Variants in MYCBP2 observed in about 807,000 individuals in gnomAD.
The protein encoded by MYCBP2 is E3 ubiquitin-protein ligase MYCBP2.
MYCBP2 carries 120 observed loss-of-function variants against 525.3 expected under a neutral mutation model. That is an observed-to-expected ratio of 0.23 (90% CI 0.20 to 0.27). The LOEUF is 0.27. MYCBP2 is among the 10% of genes least tolerant of loss of function. The pLI is 1.00. For missense variants in MYCBP2, 4,149 were observed against 5,657.1 expected, an observed-to-expected ratio of 0.73 and a Z score of 8.55; for synonymous variants, 1,894 against 1,955.8, an observed-to-expected ratio of 0.97 and a Z score of 0.83.
chr13:77,265,443 A>G (rs963672679), intron 8 of MYCBP2, among the ~76,000 whole-genome samples: 11 of 152,168 alleles, frequency 7.2e-5, no homozygotes, highest in African/African-American at 2.7e-4. Context: ...AGAAAATGAC[A>G]TAAAGATACA....
Position 77,166,502 on chromosome 13 carries a change from C to T in MYCBP2, c.6167G>A (p.Cys2056Tyr), listed in dbSNP as rs1048238796. 1.2e-6 allele frequency: 2 copies of T among 1,613,740 alleles called. No homozygotes were observed. Among genetic ancestry groups the T allele is most frequent in the Non-Finnish European group, 8.5e-7 (1 of 1,179,802 alleles). Reference sequence around the variant, plus strand: ...GACATCTTCTGACTGTGCAGTACCACACTGAGGGTCAAATTCGATTGTCAT... The same window carrying T: ...GACATCTTCTGACTGTGCAGTACCATACTGAGGGTCAAATTCGATTGTCAT... ...RWMTIEFDPQCGTAQSEDVLR... is the reference protein window; with the variant it reads ...RWMTIEFDPQYGTAQSEDVLR... The change falls in exon 41 of 83, where the codon TGT becomes TAT. Residue 2056 changes from cysteine (C) to tyrosine (Y), a missense_variant. By Grantham distance (194) the Cys-to-Tyr change is radical. Around this residue, in one of 21 missense-constraint regions of MYCBP2, gnomAD observed 692 missense variants for 852.7 expected, o/e 0.81. Transcript: ENST00000544440.
chr13:77,161,008 TGA>T (rs2057852420), intron 44 of MYCBP2, among the ~76,000 whole-genome samples: 1 of 152,208 alleles, frequency 6.6e-6, no homozygotes, highest in Non-Finnish European at 1.5e-5. Flanking sequence ...CTGATCCAGT[TGA>T]GAGACTCTCA....
At chr13:77,123,576 C>A (rs537351852) in intron 54 of MYCBP2, among the ~76,000 whole-genome samples, 3 of 152,180 alleles carry the variant, frequency 2.0e-5, no homozygotes, top group Admixed American at 2.0e-4. Context: ...GTGGTTATGA[C>A]CTATAAGGTC....
chr13:77,072,300 GAAA>G (rs56238720), intron 68 of MYCBP2, among the ~76,000 whole-genome samples: 3,616 of 121,230 alleles, frequency 0.03, 60 homozygotes, highest in Non-Finnish European at 0.04. Flanking sequence ...CAAAAAAAAA[GAAA>G]AAAAAAAAAA....
At chr13:77,181,286 A>G (rs867905007) in intron 33 of MYCBP2, among the ~76,000 whole-genome samples, 38 of 152,160 alleles carry the variant, frequency 2.5e-4, no homozygotes, top group African/African-American at 8.2e-4. Context: ...TTATTTTAAT[A>G]TACCAAAGTG....
intron 1 of MYCBP2, among the ~76,000 whole-genome samples, chr13:77,313,406 C>A (rs183309722): frequency 2.3e-4 from 35 of 151,914 alleles, no homozygotes; most frequent in Admixed American, 1.9e-3. Context: ...ATTAAGAAAG[C>A]CAAAAGTTGG....
At chr13:77,048,884 C>A (rs1211418389) in intron 82 of MYCBP2, among the ~76,000 whole-genome samples, 1 of 152,098 alleles carries the variant, frequency 6.6e-6, no homozygotes, top group Non-Finnish European at 1.5e-5. Flanking sequence ...TGTTAACTTC[C>A]TTATTTTTAG....
At chr13:77,137,962 A>G (rs542736525) in intron 52 of MYCBP2, among the ~76,000 whole-genome samples, 31 of 152,290 alleles carry the variant, frequency 2.0e-4, no homozygotes, top group African/African-American at 7.2e-4. Context: ...AAACTGTACA[A>G]AAGTGGTTGC....
intron 44 of MYCBP2, among the ~76,000 whole-genome samples, chr13:77,158,553 C>T (rs923810039): frequency 5.9e-5 from 9 of 152,190 alleles, no homozygotes; most frequent in African/African-American, 1.7e-4. Flanking sequence ...AGCGATCCTT[C>T]TGCCTCAGCC....
rs567306497 is a variant in MYCBP2, at chr13:77,061,052, G to C, written c.13036+117C>G. The stretch of plus-strand genomic sequence containing the variant: ...ATATTTAGTAAATATATAGATCAAT[G>C]ATGTCATAATTAAACATCAGAATAT... On this transcript the variant is annotated intron_variant, in intron 76 of 82. Transcript: ENST00000544440. 6 of 1,110,860 alleles carry C rather than the reference G, an allele frequency of 5.4e-6. No individual in the cohort carries two copies. In the Admixed American group the frequency reaches 1.7e-4, roughly 32 times the overall value. 68.8% of individuals were successfully genotyped at this position (1,110,860 alleles called of 1,614,324 possible).
chr13:77,105,743 T>G (rs1020700056), intron 55 of MYCBP2, among the ~76,000 whole-genome samples: 3 of 152,254 alleles, frequency 2.0e-5, no homozygotes, highest in South Asian at 2.1e-4. Context: ...GATTCTTTTT[T>G]GGGTATCACT....
At chr13:77,090,399 T>C (rs1265733870) in intron 59 of MYCBP2, 136 bp from the exon 60 acceptor site, 39 of 581,108 alleles carry the variant, frequency 6.7e-5, no homozygotes, top group Non-Finnish European at 7.7e-5. Flanking sequence ...ATAATCTCTC[T>C]TTAAATCATA....
intron 72 of MYCBP2, among the ~76,000 whole-genome samples, chr13:77,065,511 G>A (rs548524028): frequency 1.3e-5 from 2 of 152,226 alleles, no homozygotes; most frequent in Admixed American, 1.3e-4. Context: ...ACTAATCAGA[G>A]CCAGGCATTC....
intron 28 of MYCBP2, 116 bp downstream of exon 28, chr13:77,191,563 T>C: frequency 8.2e-7 from 1 of 1,220,344 alleles, no homozygotes; most frequent in Non-Finnish European, 1.1e-6. Context: ...AGCAGTTATA[T>C]TATGCTCTAG....
At chr13:77,052,574 A>C (rs990972286) in intron 80 of MYCBP2, among the ~76,000 whole-genome samples, 1 of 152,228 alleles carries the variant, frequency 6.6e-6, no homozygotes, top group African/African-American at 2.4e-5. Context: ...AAAAAAGTAT[A>C]ATATTCCAAG....
chr13:77,241,091 A>C lies in MYCBP2; in HGVS notation c.2629+1968T>G, dbSNP rs557049822. On this transcript the variant is annotated intron_variant, in intron 17 of 82. Coordinates refer to ENST00000544440, the MANE Select transcript of MYCBP2 (RefSeq NM_015057.5). ...TCAGATACAACAACATAATTTCTTT[A>C]AATATTTAGCTAGTGGAGGATTTTT... is the stretch of plus-strand genomic sequence containing the variant. Among the ~76,000 whole-genome samples, 6 of 152,270 alleles carry C rather than the reference A, an allele frequency of 3.9e-5. No homozygotes were observed. In the East Asian group the frequency reaches 1.2e-3, roughly 29 times the overall value.
intron 5 of MYCBP2, among the ~76,000 whole-genome samples, 200 bp from the exon 6 acceptor site, chr13:77,270,738 G>A (rs2074759499): frequency 6.6e-6 from 1 of 151,976 alleles, no homozygotes; most frequent in South Asian, 2.1e-4. Context: ...TTACTCTTGG[G>A]ATTCCATGTC....
chr13:77,184,388 T>G (rs1349419337), intron 32 of MYCBP2, among the ~76,000 whole-genome samples: 1 of 152,216 alleles, frequency 6.6e-6, no homozygotes, highest in Non-Finnish European at 1.5e-5. Flanking sequence ...ATTAAGACAT[T>G]TTATGGTCTA....
chr13:77,153,784 A>C (rs374548954), intron 46 of MYCBP2, among the ~76,000 whole-genome samples: 1 of 152,170 alleles, frequency 6.6e-6, no homozygotes, highest in East Asian at 1.9e-4. Context: ...AGTTTCAAAA[A>C]TAGATGAAAT....
Sources: gnomAD v4.1 joint callset for allele counts (sites outside exome capture counted in the v4.1 genomes callset) on GRCh38, gnomAD v4.1.1 for gene constraint, gnomAD v4.1.1 regional missense constraint, MANE v1.5 for transcripts, NCBI Gene and HGNC (gene_info 2026-07-23, HGNC 2026-07-21) for gene names.